Variants in TBC1D19 observed in about 807,000 individuals in gnomAD.
TBC1D19 encodes TBC1 domain family member 19.
Under a neutral mutation model 89.0 loss-of-function variants are expected in TBC1D19, and 60 were observed. The ratio of observed to expected loss-of-function variants is 0.67; its 90% CI spans 0.55 to 0.84. TBC1D19 has a LOEUF of 0.84. Ranked by LOEUF, TBC1D19 falls within the 40% of genes least tolerant of loss-of-function variation. TBC1D19 has a pLI of 0.00. For missense variants in TBC1D19, 500 were observed against 610.8 expected (o/e 0.82, Z 1.91); for synonymous variants, 189 against 199.7 (o/e 0.95, Z 0.45).
chr4:26,589,044 G>A (rs1407494899), intron 1 of TBC1D19, among the ~76,000 whole-genome samples: 1 of 152,134 alleles, frequency 6.6e-6, no homozygotes, highest in Non-Finnish European at 1.5e-5. Context: ...GGAGGCTGAG[G>A]TGGGCAAATC....
At chr4:26,580,574 G>T (rs1336894647), upstream of TBC1D19, among the ~76,000 whole-genome samples, 1 of 152,176 alleles carries the variant, frequency 6.6e-6, no homozygotes, top group Non-Finnish European at 1.5e-5. Context: ...AGACAGTGAG[G>T]CCTGTGACAT....
chr4:26,820,729 A>G, the TBC1D19 span, among the ~76,000 whole-genome samples: 1 of 152,284 alleles, frequency 6.6e-6, no homozygotes, highest in African/African-American at 2.4e-5. Flanking sequence ...CTAATTCTAT[A>G]TGTAGTTTTT....
At chr4:26,828,316 C>T in the TBC1D19 span, among the ~76,000 whole-genome samples, 1 of 152,186 alleles carries the variant, frequency 6.6e-6, no homozygotes, top group Non-Finnish European at 1.5e-5. Context: ...TGAACTCTAG[C>T]TTGGCCTAAA....
chr4:26,731,328 G>A (rs1717650688), intron 15 of TBC1D19, among the ~76,000 whole-genome samples: 1 of 152,112 alleles, frequency 6.6e-6, no homozygotes, highest in Non-Finnish European at 1.5e-5. Context: ...GGCTGAAGGG[G>A]TGGCGATCAA....
chr4:26,580,892 T>G (rs1412197567), upstream of TBC1D19, among the ~76,000 whole-genome samples: 7 of 152,216 alleles, frequency 4.6e-5, no homozygotes, highest in Non-Finnish European at 1.0e-4. Flanking sequence ...AAATGCATCC[T>G]CTGCCCCTCC....
chr4:26,803,417 C>T, the TBC1D19 span, among the ~76,000 whole-genome samples: 2 of 152,094 alleles, frequency 1.3e-5, no homozygotes, highest in East Asian at 1.9e-4. Flanking sequence ...TGGCTTGAAT[C>T]GGAACCATTC....
chr4:26,849,857 G>C, the TBC1D19 span, among the ~76,000 whole-genome samples: 1 of 152,130 alleles, frequency 6.6e-6, no homozygotes, highest in Non-Finnish European at 1.5e-5. Flanking sequence ...CATTTGGTTG[G>C]CTCTAAGAGA....
the TBC1D19 span, among the ~76,000 whole-genome samples, chr4:26,827,495 G>T: frequency 6.6e-6 from 1 of 152,040 alleles, no homozygotes; most frequent in Non-Finnish European, 1.5e-5. Context: ...TTCCAACTAC[G>T]CAGGAGGCTG....
chr4:26,755,049 C>A lies in TBC1D19; in HGVS notation c.*102C>A. The stretch of plus-strand genomic sequence containing the variant: ...ACCAAAATGAAACTTTGCATATAAG[C>A]CAATAAAGATCATGTTCCCTCTTCA... On this transcript the variant is annotated 3_prime_UTR_variant, in exon 21 of 21. Coordinates refer to ENST00000264866, the MANE Select transcript of TBC1D19 (RefSeq NM_018317.4). 1 of 1,020,862 alleles carries A rather than the reference C, an allele frequency of 9.8e-7. No homozygotes were observed. Among genetic ancestry groups the A allele is most frequent in the Non-Finnish European group, 1.4e-6 (1 of 712,816 alleles). The allele number at this position is 1,020,862 out of a possible 1,614,324, so 63.2% of individuals were successfully genotyped here.
chr4:26,705,036 T>C (rs1715632482), intron 13 of TBC1D19, among the ~76,000 whole-genome samples: 2 of 152,174 alleles, frequency 1.3e-5, no homozygotes, highest in Admixed American at 1.3e-4. Context: ...GAGCATCTTT[T>C]CTTGTGCTCA....
chr4:26,719,545 A>G (rs980670444), intron 14 of TBC1D19, among the ~76,000 whole-genome samples: 2 of 152,080 alleles, frequency 1.3e-5, no homozygotes, highest in Non-Finnish European at 2.9e-5. Context: ...TCTCTTAAAT[A>G]TTTGACTATT....
chr4:26,820,245 A>T, the TBC1D19 span, among the ~76,000 whole-genome samples: 1 of 139,708 alleles, frequency 7.2e-6, no homozygotes, highest in East Asian at 2.1e-4. Context: ...GTTACCATGC[A>T]GTACAAGAGA....
At chr4:26,609,399 GA>G (rs1741223154) in intron 1 of TBC1D19, among the ~76,000 whole-genome samples, 1 of 152,080 alleles carries the variant, frequency 6.6e-6, no homozygotes, top group Non-Finnish European at 1.5e-5. Context: ...TGAAACAGAG[GA>G]ACATAATGTT....
In TBC1D19 at chr4:26,603,114, GC is replaced by G. The variant is rs1445466287; in HGVS notation, c.100-10053del. Among the ~76,000 whole-genome samples the G allele has an allele frequency of 2.1e-4, 32 of 152,182 alleles. 1 individual carries two copies. The highest frequency in any genetic ancestry group is 7.0e-4 in the African/African-American group (29 of 41,548). On this transcript the variant is annotated intron_variant, in intron 1 of 20. Transcript: ENST00000264866. ...AAGTGAGCCTCTCATTTCAAAGAAA[GC>G]CATTTTATGTTGCCAACGATAAAAT...
the TBC1D19 span, among the ~76,000 whole-genome samples, chr4:26,764,287 C>T: frequency 1.3e-5 from 2 of 152,264 alleles, no homozygotes; most frequent in East Asian, 1.9e-4. Context: ...ACCTCCTTCT[C>T]TCATCTTTTT....
At chr4:26,735,019 TACAC>T (rs869176607) in intron 15 of TBC1D19, among the ~76,000 whole-genome samples, 58 of 89,258 alleles carry the variant, frequency 6.5e-4, no homozygotes, top group South Asian at 1.7e-3. Flanking sequence ...TATATGTGTA[TACAC>T]ATGTATATAT....
chr4:26,804,782 G>C, the TBC1D19 span, among the ~76,000 whole-genome samples: 1 of 152,222 alleles, frequency 6.6e-6, no homozygotes, highest in Non-Finnish European at 1.5e-5. Context: ...TCCAATAAAC[G>C]GGAAGCGGCA....
intron 7 of TBC1D19, among the ~76,000 whole-genome samples, chr4:26,640,905 C>T (rs1043733995): frequency 1.3e-5 from 2 of 152,192 alleles, no homozygotes; most frequent in Non-Finnish European, 2.9e-5. Flanking sequence ...GAAGCTCGAA[C>T]TGGGTGGAGC....
At chr4:26,802,224 C>A in the TBC1D19 span, among the ~76,000 whole-genome samples, 2 of 152,108 alleles carry the variant, frequency 1.3e-5, no homozygotes. Flanking sequence ...ATGGGAATAG[C>A]TGAAGAAATT....
Sources: allele counts gnomAD v4.1 joint callset (sites outside exome capture counted in the v4.1 genomes callset), GRCh38; gene constraint gnomAD v4.1.1; transcripts MANE v1.5; gene names NCBI Gene and HGNC (gene_info 2026-07-23, HGNC 2026-07-21).